DCTN2: variants seen among roughly 807,000 people sequenced by gnomAD.
DCTN2 encodes 50 kDa dynein-associated polypeptide.
Under a neutral mutation model 55.4 loss-of-function variants are expected in DCTN2, and 18 were observed. The ratio of observed to expected loss-of-function variants is 0.32; its 90% confidence interval spans 0.22 to 0.48. DCTN2 has a LOEUF of 0.48. DCTN2 is among the 20% of genes least tolerant of loss of function. DCTN2 has a pLI of 0.99. For missense variants in DCTN2, 390 were observed against 491.0 expected (o/e 0.79, Z 1.94); for synonymous variants, 168 against 185.2 (o/e 0.91, Z 0.76).
At chr12:57,541,395 A>C (rs1347515217) in intron 2 of DCTN2, 5 of 1,599,278 alleles carry the variant, frequency 3.1e-6, no homozygotes, top group Non-Finnish European at 4.2e-6. Flanking sequence ...CAAGGTGGTG[A>C]GGAGGGAGGA....
chr12:57,539,806 C>A (rs1880545821), intron 2 of DCTN2, among the ~76,000 whole-genome samples: 1 of 152,102 alleles, frequency 6.6e-6, no homozygotes, highest in Admixed American at 6.5e-5. Context: ...GTGGGTGGAT[C>A]ACTTGAGGTC....
At chr12:57,536,567 G>T (rs1378398444) in intron 2 of DCTN2, among the ~76,000 whole-genome samples, 1 of 152,178 alleles carries the variant, frequency 6.6e-6, no homozygotes. Flanking sequence ...CTGAAATGGA[G>T]ATAAACCAGC....
At chr12:57,538,499 T>A (rs756197150) in intron 2 of DCTN2, 8 of 761,262 alleles carry the variant, frequency 1.1e-5, no homozygotes, top group Non-Finnish European at 1.9e-5. Flanking sequence ...AAAAAGCAGA[T>A]GAAAGGTCAG....
At chr12:57,538,260 T>C in intron 2 of DCTN2, 1 of 580,232 alleles carries the variant, frequency 1.7e-6, no homozygotes, top group Non-Finnish European at 3.2e-6. Flanking sequence ...TACCTGGCGC[T>C]GGCATCCTCT....
chr12:57,538,327 C>T (rs1594888411), intron 2 of DCTN2: 3 of 648,372 alleles, frequency 4.6e-6, no homozygotes, highest in African/African-American at 1.8e-5. Flanking sequence ...GTAGCACCTA[C>T]TCCAGCAGTG....
rs2140114739 is a variant in DCTN2, at chr12:57,531,899, A to C, written c.1119+116T>G. The stretch of plus-strand genomic sequence containing the variant: ...GAAAGCAGGATGGAGACTCCAGACC[A>C]ACCCCCTGCCACAACACCATGCTAC... On this transcript the variant is annotated intron_variant, in intron 13 of 13. Coordinates refer to ENST00000548249, the MANE Select transcript of DCTN2 (RefSeq NM_001261413.2). 2.1e-6 allele frequency: 3 copies of C among 1,463,004 alleles called. No homozygotes were observed. The East Asian group carries it at 7.5e-5, about 36-fold the overall frequency. The allele number at this position is 1,463,004 out of a possible 1,614,324, so 90.6% of individuals were successfully genotyped here. A position where few individuals can be genotyped will look rare whatever the true frequency, so the allele number is the denominator to read the frequency against.
chr12:57,537,187 A>T (rs1880305655), intron 2 of DCTN2, among the ~76,000 whole-genome samples: 1 of 151,272 alleles, frequency 6.6e-6, no homozygotes, highest in South Asian at 2.1e-4. Context: ...AATATAAAAT[A>T]GCTGGGTATT....
intron 6 of DCTN2, 86 bp downstream of exon 6, chr12:57,534,206 T>C: frequency 6.6e-7 from 1 of 1,522,652 alleles, no homozygotes; most frequent in Non-Finnish European, 8.8e-7. Flanking sequence ...GCCACTTCTC[T>C]GCCACTTAGC....
intron 2 of DCTN2, among the ~76,000 whole-genome samples, chr12:57,541,663 T>C (rs1161910911): frequency 6.6e-6 from 1 of 152,218 alleles, no homozygotes; most frequent in Non-Finnish European, 1.5e-5. Flanking sequence ...AATGAGGTTT[T>C]TCTTAATTTA....
intron 6 of DCTN2, 32 bp from the exon 7 acceptor site, chr12:57,534,129 C>T (rs1176407323): frequency 2.6e-6 from 4 of 1,559,318 alleles, no homozygotes; most frequent in Middle Eastern, 1.7e-4. Context: ...AATATCATGA[C>T]TGGAAGGAGA....
intron 2 of DCTN2, among the ~76,000 whole-genome samples, chr12:57,540,241 A>G (rs1300216593): frequency 1.3e-5 from 2 of 152,164 alleles, no homozygotes; most frequent in African/African-American, 4.8e-5. Flanking sequence ...CTTGGGAGAA[A>G]CTCAAGGAGA....
At chr12:57,540,106 T>G in intron 2 of DCTN2, 3 of 984,660 alleles carry the variant, frequency 3.0e-6, no homozygotes, top group Non-Finnish European at 3.6e-6. Flanking sequence ...CCAGATCCTG[T>G]GGTCGAGGCT....
In DCTN2 at chr12:57,534,024, G is replaced by C. The variant is rs749576776; in HGVS notation, c.598C>G (p.Pro200Ala). Residue 200 changes from proline (P) to alanine (A), a missense_variant, in exon 7 of 14, where the codon CCA (proline) becomes GCA (alanine). Pro to Ala is a conservative substitution (Grantham distance 27). This residue lies in a region of DCTN2 where 273 missense variants were observed against 303.2 expected (regional missense o/e 0.90). Transcript: ENST00000548249. ...GSGGKTTGTP[P>A]DSSLVTYELH... ...TCATAAGTGACAAGGCTGCTATCTG[G>C]GGGGGTCCCAGTGGTTTTTCCCCCT... The C allele has an allele frequency of 4.3e-6, 7 of 1,613,412 alleles. No individual in the cohort carries two copies. The highest frequency in any genetic ancestry group is 2.7e-5 in the African/African-American group (2 of 74,876).
intron 2 of DCTN2, among the ~76,000 whole-genome samples, chr12:57,537,285 G>T (rs1880314453): frequency 6.9e-6 from 1 of 145,816 alleles, no homozygotes. Context: ...AGTGAGCAGA[G>T]ATCATGCCAC....
intron 2 of DCTN2, among the ~76,000 whole-genome samples, chr12:57,539,790 G>A (rs1880542899): frequency 1.3e-5 from 2 of 152,166 alleles, no homozygotes; most frequent in Non-Finnish European, 2.9e-5. Context: ...ACTTTGGGAG[G>A]GCGAGGTGGG....
chr12:57,538,118 T>C (rs1055358367), intron 2 of DCTN2: 2 of 333,280 alleles, frequency 6.0e-6, no homozygotes, highest in Non-Finnish European at 1.2e-5. Flanking sequence ...CTTATTTACG[T>C]TCCTAAGTAG....
At chr12:57,542,793 T>C in intron 2 of DCTN2, 1 of 455,840 alleles carries the variant, frequency 2.2e-6, no homozygotes, top group South Asian at 1.5e-5. Context: ...CACTCCAGCC[T>C]GGGGGAAAGA....
intron 8 of DCTN2, 54 bp from the exon 9 acceptor site, chr12:57,533,076 G>A (rs987269523): frequency 9.1e-5 from 143 of 1,563,992 alleles, no homozygotes; most frequent in Non-Finnish European, 1.1e-4. Context: ...CATGATTATC[G>A]TCTTCTCCCA....
intron 2 of DCTN2, among the ~76,000 whole-genome samples, chr12:57,537,383 G>T (rs1357223926): frequency 1.3e-5 from 2 of 149,322 alleles, no homozygotes; most frequent in South Asian, 2.1e-4. Flanking sequence ...AAAAAAAAAG[G>T]CCTGGGCCCA....
Sources: gnomAD v4.1 joint callset for allele counts (sites outside exome capture counted in the v4.1 genomes callset) on GRCh38, gnomAD v4.1.1 for gene constraint, gnomAD v4.1.1 regional missense constraint, MANE v1.5 for transcripts, NCBI Gene and HGNC (gene_info 2026-07-23, HGNC 2026-07-21) for gene names.